SGSH: variants seen among roughly 807,000 people sequenced by gnomAD.
SGSH encodes the protein heparan sulfate sulfatase.
SGSH carries 48 observed loss-of-function variants against 51.0 expected under a neutral mutation model. That is an observed-to-expected ratio of 0.94 (90% confidence interval 0.75 to 1.20). The LOEUF (loss-of-function observed/expected upper bound fraction) is 1.20. SGSH is among the 50% of genes most tolerant of loss of function. The pLI is 0.00. For missense variants in SGSH, 662 were observed against 717.8 expected, an observed-to-expected ratio of 0.92 and a Z score of 0.89; for synonymous variants, 321 against 313.4, an observed-to-expected ratio of 1.02 and a Z score of -0.26.
chr17:80,212,296 C>T lies in SGSH; in HGVS notation c.746-22G>A. The T allele has an allele frequency of 6.3e-7, 1 of 1,584,082 alleles. No individual in the cohort carries two copies. Among genetic ancestry groups the T allele is most frequent in the Non-Finnish European group, 8.6e-7 (1 of 1,164,550 alleles). ...ACTCCTGTGGTGAGGGGCCGAGAAG[C>T]AGAGCTCAGCCGCAGACACGGAGGG... On this transcript the variant is annotated intron_variant, in intron 6 of 7. Coordinates refer to ENST00000326317, the MANE Select transcript of SGSH (RefSeq NM_000199.5). This position sits in a 1 kb window ranked among gnomAD's most constrained non-coding sequence, Gnocchi z 5.9.
At chr17:80,204,155 T>C (rs534276030), downstream of SGSH, 19 of 1,444,828 alleles carry the variant, frequency 1.3e-5, no homozygotes, top group East Asian at 4.0e-4. Context: ...GTGCCAATCA[T>C]CTCCCCTGAA....
In SGSH at chr17:80,212,401, C is replaced by A. The variant is rs2041706322; in HGVS notation, c.746-127G>T. ...CCAGCGCTTTCCGGATTCGAAAGCA[C>A]CCTGTAGTTCTTCCCAATGGCCCTG... On this transcript the variant is annotated intron_variant, in intron 6 of 7. Transcript: ENST00000326317. This position sits in a 1 kb window ranked among gnomAD's most constrained non-coding sequence, Gnocchi z 5.9. The A allele has an allele frequency of 1.2e-6, 1 of 805,784 alleles. No homozygotes were observed. The highest frequency in any genetic ancestry group is 1.5e-5 in the South Asian group (1 of 68,596). 49.9% of individuals were successfully genotyped at this position (805,784 alleles called of 1,614,324 possible).
Position 80,213,747 on chromosome 17 carries a change from C to A in SGSH, c.745+57G>T. ...GCCGTGACCTAAGAGGGCGCTGGCC[C>A]AGGATGGGGGACCCCGGCCGTGGCA... On this transcript the variant is annotated intron_variant, in intron 6 of 7. Transcript: ENST00000326317. This position sits in a 1 kb window ranked among gnomAD's most constrained non-coding sequence, Gnocchi z 4.6. The A allele has an allele frequency of 6.9e-7, 1 of 1,458,332 alleles. No homozygotes were observed. The highest frequency in any genetic ancestry group is 9.4e-7 in the Non-Finnish European group (1 of 1,068,170). 90.3% of individuals were successfully genotyped at this position (1,458,332 alleles called of 1,614,324 possible). A position where few individuals can be genotyped will look rare whatever the true frequency, so the allele number is the denominator to read the frequency against.
At chr17:80,207,062 C>A (rs140536892), downstream of SGSH, 1 of 1,613,720 alleles carries the variant, frequency 6.2e-7, no homozygotes, top group African/African-American at 1.3e-5. Flanking sequence ...TCTCTGTCAA[C>A]GAGAAGATGG....
At chr17:80,202,533 A>AC (rs201325195), downstream of SGSH, 1,650 of 1,495,158 alleles carry the variant, frequency 1.1e-3, 19 homozygotes, top group African/African-American at 0.019. Flanking sequence ...GCGTGGTGAG[A>AC]CCCCCCTAAG....
At chr17:80,208,365 G>C (rs763688150), downstream of SGSH, 1 of 1,555,380 alleles carries the variant, frequency 6.4e-7, no homozygotes, top group Non-Finnish European at 8.7e-7. Context: ...CCCCTTCCCG[G>C]GACTGTGGGG....
chr17:80,216,024 G>A (rs545709744), intron 2 of SGSH, among the ~76,000 whole-genome samples: 4 of 151,248 alleles, frequency 2.6e-5, no homozygotes, highest in Admixed American at 1.3e-4. Flanking sequence ...ATTGTGCTGA[G>A]TGAAGTAAGG....
chr17:80,202,692 G>A (rs185362091), downstream of SGSH: 6 of 1,142,486 alleles, frequency 5.3e-6, no homozygotes, highest in Non-Finnish European at 4.6e-6. Flanking sequence ...GGACGTTTGG[G>A]GCTGGATCCC....
downstream of SGSH, chr17:80,204,109 G>T (rs910629285): frequency 4.9e-6 from 5 of 1,018,966 alleles, no homozygotes; most frequent in Admixed American, 1.3e-4. Context: ...TGTTCTCAGA[G>T]CATCTGCGCC....
At chr17:80,200,887 G>A in the SGSH span, 2 of 152,290 alleles carry the variant, frequency 1.3e-5, no homozygotes, top group African/African-American at 4.8e-5. Flanking sequence ...CACAGTTCAC[G>A]ATAGGGCTCA....
At chr17:80,203,334 A>C (rs2041092239), downstream of SGSH, 1 of 154,764 alleles carries the variant, frequency 6.5e-6, no homozygotes, top group South Asian at 2.0e-4. The surrounding 1 kb of genome is among the most constrained non-coding windows in gnomAD (Gnocchi z 4.6). Flanking sequence ...TCCAAGTTTC[A>C]AGTGCACGGA....
At chr17:80,204,035 GGGCAGGGTCTGCAGC>G, downstream of SGSH, 1 of 803,592 alleles carries the variant, frequency 1.2e-6, no homozygotes, top group Non-Finnish European at 2.0e-6. Flanking sequence ...CTTCAAACCA[GGGCAGGGTCTGCAGC>G]CCCTGCCCAG....
intron 7 of SGSH, chr17:80,211,821 G>T (rs965885646): frequency 1.2e-5 from 7 of 568,064 alleles, no homozygotes; most frequent in Non-Finnish European, 3.2e-6. Flanking sequence ...AAAGGCAATG[G>T]TTTTGAAAGC....
In SGSH at chr17:80,214,615, C is replaced by A. The variant is rs934708820; in HGVS notation, c.506G>T (p.Arg169Leu). 1.9e-6 allele frequency: 3 copies of A among 1,612,420 alleles called. No individual in the cohort carries two copies. The highest frequency in any genetic ancestry group is 2.5e-6 in the Non-Finnish European group (3 of 1,179,656). The part of the protein sequence containing the change: ...VRKFLQTQDD[R>L]PFFLYVAFHD... ...AAGGGGCAGGGGCCCCGACTCATAC[C>A]GGTCATCCTGAGTCTGCAGGAATTT... The change falls in exon 4 of 8, where the codon CGG (arginine) becomes CTG (leucine). Residue 169 changes from arginine (R) to leucine (L), a missense_variant and splice_region_variant. By Grantham distance (102) the Arg-to-Leu change is moderately radical. Coordinates refer to ENST00000326317, the MANE Select transcript of SGSH (RefSeq NM_000199.5).
chr17:80,214,697 TCTC>T lies in SGSH; in HGVS notation c.421_423del (p.Glu141del), dbSNP rs2041820066. 6.2e-7 allele frequency: 1 copy of T among 1,612,696 alleles called. No individual in the cohort carries two copies. The highest frequency in any genetic ancestry group is 8.5e-7 in the Non-Finnish European group (1 of 1,179,418). ...CGCCCCACCTGGAGGACGGAGCCATTCTCCTCCGTGTACGCAAAGTCAAACGGG... is the reference window on the plus strand; with the variant it reads ...CGCCCCACCTGGAGGACGGAGCCATTCTCCGTGTACGCAAAGTCAAACGGG... On this transcript the variant is annotated inframe_deletion, in exon 4 of 8. Coordinates refer to ENST00000326317, the MANE Select transcript of SGSH (RefSeq NM_000199.5).
chr17:80,204,019 G>T, downstream of SGSH: 3 of 830,224 alleles, frequency 3.6e-6, no homozygotes, highest in Non-Finnish European at 5.7e-6. Flanking sequence ...TCTCTCCTCT[G>T]CACCCCTTCA....
intron 5 of SGSH, 134 bp from the exon 6 acceptor site, chr17:80,214,019 TTC>T: frequency 7.6e-7 from 1 of 1,314,098 alleles, no homozygotes; most frequent in African/African-American, 1.5e-5. Flanking sequence ...CTCTCTACGG[TTC>T]TCTCTGTGGC....
downstream of SGSH, chr17:80,202,609 C>T: frequency 1.4e-6 from 2 of 1,426,256 alleles, no homozygotes; most frequent in Non-Finnish European, 1.8e-6. Context: ...TTATATATTG[C>T]AAATGAAATG....
chr17:80,207,805 C>T, downstream of SGSH: 1 of 285,368 alleles, frequency 3.5e-6, no homozygotes, highest in Non-Finnish European at 6.5e-6. Flanking sequence ...GCCTCAGCTC[C>T]ACTGACCCTC....
Sources: gnomAD v4.1 joint callset for allele counts (sites outside exome capture counted in the v4.1 genomes callset) on GRCh38, gnomAD v4.1.1 for gene constraint, Gnocchi (gnomAD v3.1) non-coding constraint, MANE v1.5 for transcripts, NCBI Gene and HGNC (gene_info 2026-07-23, HGNC 2026-07-21) for gene names.